PDE8A: variants seen among roughly 807,000 people sequenced by gnomAD.
The protein encoded by PDE8A is high affinity cAMP-specific and IBMX-insensitive 3',5'-cyclic phosphodiesterase 8A.
In PDE8A, 59 loss-of-function variants were observed where a neutral mutation model predicts 105.0. The ratio of observed to expected loss-of-function variants is 0.56; its 90% confidence interval spans 0.46 to 0.70. The LOEUF is 0.70. Among genes scored for constraint, PDE8A ranks in the 30% least tolerant of loss-of-function variants. PDE8A has a pLI of 0.00. For synonymous variants in PDE8A, 355 were observed against 371.9 expected, an observed-to-expected ratio of 0.95 and a Z score of 0.52; for missense variants, 1,014 against 1,045.9, an observed-to-expected ratio of 0.97 and a Z score of 0.42.
intron 1 of PDE8A, among the ~76,000 whole-genome samples, chr15:85,057,033 A>G (rs1433266861): frequency 6.6e-6 from 1 of 152,158 alleles, no homozygotes; most frequent in Admixed American, 6.5e-5. Context: ...TTTTCCTTCT[A>G]ACAGTCAGGA....
chr15:85,030,766 C>T (rs2080601619), intron 1 of PDE8A, among the ~76,000 whole-genome samples: 1 of 152,184 alleles, frequency 6.6e-6, no homozygotes, highest in African/African-American at 2.4e-5. Flanking sequence ...TCTGGCAGAG[C>T]CCTACTTTTC....
At chr15:85,044,469 T>C (rs2080858168) in intron 1 of PDE8A, among the ~76,000 whole-genome samples, 1 of 152,098 alleles carries the variant, frequency 6.6e-6, no homozygotes. Flanking sequence ...ATCTTGTGGG[T>C]GGATCTGGAA....
At chr15:85,032,445 A>C (rs16974732) in intron 1 of PDE8A, among the ~76,000 whole-genome samples, 13,465 of 152,222 alleles carry the variant, frequency 0.088, 1,654 homozygotes, top group African/African-American at 0.28. Context: ...AGTAACTTTT[A>C]AAAAGAACCC....
In PDE8A at chr15:85,123,154, C is replaced by A. The variant is rs747854948; in HGVS notation, c.2046C>A (p.Asn682Lys). ...KHFEHVNKFV[N>K]SINKPLATLE... is the part of the protein sequence containing the mutation. The stretch of plus-strand genomic sequence containing the variant: ...TTGAGCATGTCAACAAATTTGTCAA[C>A]AGCATCAACAAACCCTTGGCAACAC... Residue 682 changes from asparagine to lysine, a missense_variant, in exon 19 of 22, where the codon AAC becomes AAA. Physicochemically the swap from Asn to Lys is moderately conservative, Grantham distance 94. Transcript: ENST00000394553. 3 of 1,613,860 alleles carry A rather than the reference C, an allele frequency of 1.9e-6. No individual in the cohort carries two copies. The highest frequency in any genetic ancestry group is 1.3e-5 in the African/African-American group (1 of 74,894).
At chr15:85,065,829 G>A (rs2081216046) in intron 2 of PDE8A, among the ~76,000 whole-genome samples, 1 of 152,234 alleles carries the variant, frequency 6.6e-6, no homozygotes, top group African/African-American at 2.4e-5. Context: ...GAAGGAGGCT[G>A]GCTGGATAAG....
At chr15:85,073,292 A>G (rs12437935) in intron 3 of PDE8A, among the ~76,000 whole-genome samples, 70,667 of 152,010 alleles carry the variant, frequency 0.46, 16,564 homozygotes, top group Middle Eastern at 0.55. Context: ...ATGAATTCCA[A>G]TGCAAGGATG....
chr15:85,067,325 C>G (rs1358239518), intron 3 of PDE8A, 121 bp downstream of exon 3: 13 of 630,882 alleles, frequency 2.1e-5, no homozygotes, highest in South Asian at 1.0e-4. Flanking sequence ...GTGAAATAAA[C>G]AAAATATTAG....
chr15:85,125,036 A>G (rs2082238767), intron 19 of PDE8A, among the ~76,000 whole-genome samples: 1 of 152,228 alleles, frequency 6.6e-6, no homozygotes, highest in Non-Finnish European at 1.5e-5. Flanking sequence ...ATGAAACTAT[A>G]GTCACACTGC....
Position 84,982,113 on chromosome 15 carries a change from C to T in PDE8A, c.-50C>T, listed in dbSNP as rs762098851. The stretch of plus-strand genomic sequence containing the variant: ...CCGGAGGCGCCGGGTGGGCCGTTTG[C>T]TGACCGGATCGCGGCTACCCGCCAG... On this transcript the variant is annotated 5_prime_UTR_variant, in exon 1 of 22. Coordinates refer to ENST00000394553, the MANE Select transcript of PDE8A (RefSeq NM_002605.3). 36 of 1,207,650 alleles carry T rather than the reference C, an allele frequency of 3.0e-5. No homozygotes were observed. Among genetic ancestry groups the T allele is most frequent in the Admixed American group, 1.3e-4 (3 of 23,184 alleles). 74.8% of individuals were successfully genotyped at this position (1,207,650 alleles called of 1,614,324 possible).
intron 6 of PDE8A, among the ~76,000 whole-genome samples, chr15:85,085,149 A>T (rs1450638513): frequency 6.6e-6 from 1 of 152,176 alleles, no homozygotes; most frequent in Non-Finnish European, 1.5e-5. Context: ...AATGTAGCCT[A>T]CAAGGGTCTC....
chr15:85,066,613 C>CAT (rs1250350120), intron 2 of PDE8A, among the ~76,000 whole-genome samples: 5 of 126,368 alleles, frequency 4.0e-5, no homozygotes, highest in African/African-American at 2.3e-4. Flanking sequence ...CACACACACA[C>CAT]ACACACACAC....
intron 17 of PDE8A, 66 bp from the exon 18 acceptor site, chr15:85,120,731 A>G: frequency 1.0e-6 from 1 of 961,734 alleles, no homozygotes; most frequent in Non-Finnish European, 1.6e-6. Context: ...GAGAAAGAAA[A>G]CTATACAGAA....
At chr15:85,100,308 T>A in intron 11 of PDE8A, 110 bp downstream of exon 11, 3 of 929,982 alleles carry the variant, frequency 3.2e-6, no homozygotes, top group Non-Finnish European at 5.0e-6. Context: ...TTCCTCAGAC[T>A]GTGGCAACAT....
intron 12 of PDE8A, among the ~76,000 whole-genome samples, chr15:85,110,460 A>G (rs925690918): frequency 1.3e-5 from 2 of 152,236 alleles, no homozygotes; most frequent in African/African-American, 2.4e-5. Context: ...ACACAAACAC[A>G]TTATTAACCA....
chr15:85,070,835 C>T (rs886175434), intron 3 of PDE8A, among the ~76,000 whole-genome samples: 3 of 152,194 alleles, frequency 2.0e-5, no homozygotes, highest in Non-Finnish European at 2.9e-5. Flanking sequence ...AGAAAAATAA[C>T]TTGGCTGCCA....
intron 6 of PDE8A, among the ~76,000 whole-genome samples, chr15:85,084,342 G>A (rs2081515639): frequency 2.6e-5 from 4 of 152,186 alleles, no homozygotes; most frequent in Admixed American, 2.6e-4. Context: ...CACGTGTAGG[G>A]AAGATAGGTA....
chr15:85,069,926 A>T (rs1343069290), intron 3 of PDE8A, among the ~76,000 whole-genome samples: 1 of 151,890 alleles, frequency 6.6e-6, no homozygotes, highest in African/African-American at 2.4e-5. Context: ...ACCCTGATTT[A>T]TTTTCCTAAT....
rs114473931 is a variant in PDE8A, at chr15:85,098,679, G to T, written c.941+643G>T. Among the ~76,000 whole-genome samples the T allele has an allele frequency of 2.9e-3, 438 of 152,302 alleles. 4 individuals carry two copies. The highest frequency in any genetic ancestry group is 9.7e-3 in the African/African-American group (402 of 41,564). The stretch of plus-strand genomic sequence containing the variant: ...AAAAAAAGTAGAAATGATGATCATA[G>T]AAAATTAAATTACCTCATGCCTGTA... On this transcript the variant is annotated intron_variant, in intron 9 of 21. Transcript: ENST00000394553.
chr15:85,129,773 A>C (rs1485312539), intron 20 of PDE8A, among the ~76,000 whole-genome samples: 1 of 151,964 alleles, frequency 6.6e-6, no homozygotes, highest in African/African-American at 2.4e-5. Context: ...TAACATGTTA[A>C]GTTAGGTTGT....
Sources: gnomAD v4.1 joint callset for allele counts (sites outside exome capture counted in the v4.1 genomes callset) on GRCh38, gnomAD v4.1.1 for gene constraint, MANE v1.5 for transcripts, NCBI Gene and HGNC (gene_info 2026-07-23, HGNC 2026-07-21) for gene names.